RAD52: variants seen among roughly 807,000 people sequenced by gnomAD.
The protein encoded by RAD52 is RAD52 DNA repair protein.
A neutral mutation model predicts 55.5 loss-of-function variants in RAD52; 47 were observed. The observed-to-expected ratio is 0.85, with a 90% confidence interval of 0.67 to 1.08. RAD52 has a LOEUF of 1.08. RAD52 is among the 50% of genes least tolerant of loss of function. The pLI is 0.00. For synonymous variants in RAD52, 184 were observed against 198.9 expected (o/e 0.92, Z 0.63); for missense variants, 468 against 522.8 (o/e 0.90, Z 1.02).
At chr12:949,889 C>A (rs1327806882), upstream of RAD52, among the ~76,000 whole-genome samples, 1 of 152,212 alleles carries the variant, frequency 6.6e-6, no homozygotes, top group Non-Finnish European at 1.5e-5. Flanking sequence ...GCCGCTCGCC[C>A]TGCCGCTTCC....
chr12:920,113 A>G (rs1335238819), intron 7 of RAD52, among the ~76,000 whole-genome samples: 1 of 115,278 alleles, frequency 8.7e-6, no homozygotes, highest in Non-Finnish European at 1.8e-5. Flanking sequence ...GCTACTCAGG[A>G]GGCTGAGGCA....
At position 914,038 on chromosome 12, in the gene RAD52, G is replaced by A. The variant is rs1369707039; in HGVS notation, c.1051C>T (p.Pro351Ser). 6.2e-7 allele frequency: 1 copy of A among 1,614,006 alleles called. No homozygotes were observed. The highest frequency in any genetic ancestry group is 1.3e-5 in the African/African-American group (1 of 74,882). ...GVVKPSSRAD[P>S]AQTSDTLALN... ...GCTAATGTGTCAGAGGTCTGGGCTGGGTCTGCTCTAGACGAGGGCTTGACC... is the reference window on the plus strand; with the variant it reads ...GCTAATGTGTCAGAGGTCTGGGCTGAGTCTGCTCTAGACGAGGGCTTGACC... The change falls in exon 11 of 12, where the codon CCA (proline) becomes TCA (serine). Residue 351 changes from proline (P) to serine (S), a missense_variant. Pro to Ser is a moderately conservative substitution (Grantham distance 74). Coordinates refer to ENST00000358495, the MANE Select transcript of RAD52 (RefSeq NM_134424.4).
In RAD52 at chr12:949,656, G is replaced by C. The variant is rs1198936628; in HGVS notation, c.-73C>G. 6.6e-6 allele frequency: 1 copy of C among 152,264 alleles called. No homozygotes were observed. Among genetic ancestry groups the C allele is most frequent in the Non-Finnish European group, 1.5e-5 (1 of 68,126 alleles). 9.4% of individuals were successfully genotyped at this position (152,264 alleles called of 1,614,324 possible). On this transcript the variant is annotated 5_prime_UTR_variant, in exon 1 of 12. Transcript: ENST00000358495. ...GGAGCTCGATCTAGGCTATGGACAA[G>C]GGGAAGAGATCTTAGATGGAGGCCG...
At chr12:961,825 T>C (rs1265218602) in intron 1 of RAD52, among the ~76,000 whole-genome samples, 1 of 152,060 alleles carries the variant, frequency 6.6e-6, no homozygotes, top group Non-Finnish European at 1.5e-5. Flanking sequence ...ATCAATCCAC[T>C]GCACTGCAGC....
chr12:948,201 A>C (rs1234918999), intron 1 of RAD52, among the ~76,000 whole-genome samples: 1 of 152,158 alleles, frequency 6.6e-6, no homozygotes, highest in East Asian at 1.9e-4. Context: ...TAAACCAAAC[A>C]CAAAAGAACA....
intron 1 of RAD52, among the ~76,000 whole-genome samples, chr12:968,933 C>T (rs191738655): frequency 6.6e-6 from 1 of 152,152 alleles, no homozygotes; most frequent in Admixed American, 6.5e-5. Context: ...AGAGTCAGCT[C>T]TCCGTATCCG....
intron 6 of RAD52, 82 bp downstream of exon 6, chr12:927,063 T>C: frequency 1.3e-6 from 2 of 1,523,098 alleles, no homozygotes; most frequent in Non-Finnish European, 1.8e-6. Context: ...TGTGGATGTG[T>C]TACCTCTTCC....
intron 7 of RAD52, among the ~76,000 whole-genome samples, chr12:922,201 A>AAC (rs1555170807): frequency 2.7e-5 from 4 of 147,594 alleles, no homozygotes; most frequent in African/African-American, 7.3e-5. Context: ...TAAAAAAAAA[A>AAC]AAAAAAAAAA....
chr12:959,702 A>C (rs1232782113), intron 1 of RAD52, among the ~76,000 whole-genome samples: 1 of 152,182 alleles, frequency 6.6e-6, no homozygotes, highest in Non-Finnish European at 1.5e-5. Flanking sequence ...AAACCTTCAT[A>C]AGGTGTTCTC....
intron 1 of RAD52, among the ~76,000 whole-genome samples, chr12:965,728 T>C (rs563208001): frequency 1.1e-4 from 17 of 152,070 alleles, no homozygotes; most frequent in Admixed American, 7.8e-4. Context: ...CTCTATTGCC[T>C]AGGCTGGAGT....
At chr12:929,983 C>A in intron 4 of RAD52, 68 bp downstream of exon 4, 1 of 1,576,766 alleles carries the variant, frequency 6.3e-7, no homozygotes. Flanking sequence ...CTTACCTCCT[C>A]ACCCACAGCA....
At chr12:982,743 G>A (rs1959035263) in intron 1 of RAD52, among the ~76,000 whole-genome samples, 1 of 135,680 alleles carries the variant, frequency 7.4e-6, no homozygotes, top group South Asian at 2.3e-4. Context: ...ACGGCTCATT[G>A]CAGCCTCGAC....
intron 9 of RAD52, 124 bp downstream of exon 9, chr12:916,220 A>G (rs1331670235): frequency 1.3e-6 from 2 of 1,488,324 alleles, no homozygotes; most frequent in African/African-American, 1.4e-5. Flanking sequence ...GTGTAGCTTG[A>G]GAGAAGTCCC....
At chr12:960,894 T>C (rs539812661) in intron 1 of RAD52, among the ~76,000 whole-genome samples, 6 of 152,260 alleles carry the variant, frequency 3.9e-5, no homozygotes, top group Non-Finnish European at 7.4e-5. Flanking sequence ...AAAGAAGTCA[T>C]TGGTACACAG....
At chr12:980,933 A>G (rs1226773855) in intron 1 of RAD52, among the ~76,000 whole-genome samples, 1 of 152,178 alleles carries the variant, frequency 6.6e-6, no homozygotes, top group Non-Finnish European at 1.5e-5. Flanking sequence ...CCCAAAGTTC[A>G]TGTCCTTCTC....
At chr12:929,791 G>T (rs765575498) in intron 5 of RAD52, 28 bp downstream of exon 5, 1 of 1,598,422 alleles carries the variant, frequency 6.3e-7, no homozygotes, top group Non-Finnish European at 8.6e-7. Context: ...TGATCCTTCC[G>T]GGCAGCAGGT....
intron 1 of RAD52, among the ~76,000 whole-genome samples, chr12:989,625 T>C (rs1959151312): frequency 6.6e-6 from 1 of 152,202 alleles, no homozygotes; most frequent in South Asian, 2.1e-4. Context: ...ACATAGCGCT[T>C]AGCAACTTAA....
intron 1 of RAD52, among the ~76,000 whole-genome samples, chr12:970,173 G>A (rs928712498): frequency 6.6e-6 from 1 of 151,930 alleles, no homozygotes; most frequent in Non-Finnish European, 1.5e-5. Flanking sequence ...CGGGTGTGGT[G>A]GCAGGTGCCT....
intron 1 of RAD52, among the ~76,000 whole-genome samples, chr12:957,331 TG>T (rs1181418093): frequency 6.6e-6 from 1 of 151,260 alleles, no homozygotes; most frequent in African/African-American, 2.4e-5. Flanking sequence ...GGCGTGGTGG[TG>T]GGCGCCTGTA....
Sources: allele counts gnomAD v4.1 joint callset (sites outside exome capture counted in the v4.1 genomes callset), GRCh38; gene constraint gnomAD v4.1.1; transcripts MANE v1.5; gene names NCBI Gene and HGNC (gene_info 2026-07-23, HGNC 2026-07-21).